MROH9: variants seen among roughly 807,000 people sequenced by gnomAD.
The protein encoded by MROH9 is maestro heat-like repeat-containing protein family member 9.
Under a neutral mutation model 98.2 loss-of-function variants are expected in MROH9, and 92 were observed. The observed-to-expected ratio is 0.94, with a 90% confidence interval of 0.79 to 1.11. The LOEUF (loss-of-function observed/expected upper bound fraction) is 1.11. Among genes scored for constraint, MROH9 ranks in the 50% most tolerant of loss-of-function variants. MROH9 has a pLI of 0.00. For missense variants in MROH9, 1,057 were observed against 1,014.8 expected (o/e 1.04, Z -0.57); for synonymous variants, 397 against 368.9 (o/e 1.08, Z -0.87).
chr1:171,028,431 C>T (rs561210227), intron 20 of MROH9, among the ~76,000 whole-genome samples: 22 of 152,240 alleles, frequency 1.4e-4, no homozygotes, highest in African/African-American at 5.3e-4. Context: ...TTACTGTAGC[C>T]TTGTGGTATA....
intron 8 of MROH9, 32 bp from the exon 9 acceptor site, chr1:170,983,390 A>G (rs762495463): frequency 6.8e-7 from 1 of 1,463,812 alleles, no homozygotes. Context: ...TGATCAAATA[A>G]CAACCTGAAA....
intron 7 of MROH9, among the ~76,000 whole-genome samples, chr1:170,970,054 C>T (rs1017399585): frequency 9.2e-5 from 14 of 152,072 alleles, no homozygotes; most frequent in Admixed American, 2.6e-4. Context: ...AGTCTAGGCA[C>T]GACCACACAT....
chr1:170,945,477 G>A, intron 1 of MROH9, 43 bp from the exon 2 acceptor site: 2 of 1,442,758 alleles, frequency 1.4e-6, no homozygotes, highest in Non-Finnish European at 1.9e-6. Context: ...AAAACTGTAG[G>A]AAAGTTTCTG....
chr1:171,018,511 C>T (rs1240843564), intron 17 of MROH9, among the ~76,000 whole-genome samples: 1 of 151,700 alleles, frequency 6.6e-6, no homozygotes, highest in Non-Finnish European at 1.5e-5. Context: ...CAAATGGTCA[C>T]AGCACCTCCT....
chr1:170,953,787 G>C (rs1206742887), intron 3 of MROH9, among the ~76,000 whole-genome samples: 1 of 149,216 alleles, frequency 6.7e-6, no homozygotes, highest in African/African-American at 2.5e-5. Context: ...AGAGAGGGAG[G>C]GGAGGGAGGA....
chr1:171,007,414 G>A (rs573218012), intron 15 of MROH9, among the ~76,000 whole-genome samples: 1 of 152,188 alleles, frequency 6.6e-6, no homozygotes, highest in Non-Finnish European at 1.5e-5. Context: ...GGCTCCTACT[G>A]TGTAAGTAGG....
intron 20 of MROH9, among the ~76,000 whole-genome samples, chr1:171,055,353 T>G (rs1304139176): frequency 6.6e-6 from 1 of 152,154 alleles, no homozygotes; most frequent in Admixed American, 6.5e-5. Context: ...CCAGGTGCAG[T>G]GGCTCATGCC....
chr1:171,000,145 C>T (rs1651739017), intron 15 of MROH9, among the ~76,000 whole-genome samples: 1 of 152,116 alleles, frequency 6.6e-6, no homozygotes, highest in Non-Finnish European at 1.5e-5. Context: ...TCTGTTTACT[C>T]TGCTGACTAT....
intron 8 of MROH9, among the ~76,000 whole-genome samples, chr1:170,981,904 C>A (rs1255115925): frequency 1.3e-5 from 2 of 152,124 alleles, no homozygotes; most frequent in Admixed American, 1.3e-4. Flanking sequence ...TACCACTACA[C>A]ACTCATTAGA....
intron 12 of MROH9, 85 bp downstream of exon 12, chr1:170,992,414 C>A: frequency 7.2e-7 from 1 of 1,395,800 alleles, no homozygotes; most frequent in Non-Finnish European, 9.9e-7. Flanking sequence ...CTCAATCATA[C>A]TTTCTTAACA....
intron 15 of MROH9, among the ~76,000 whole-genome samples, chr1:171,001,481 T>G (rs1252532211): frequency 1.3e-5 from 2 of 152,142 alleles, no homozygotes; most frequent in Non-Finnish European, 2.9e-5. Flanking sequence ...TTTTTAAATT[T>G]CCATCTTGAT....
At chr1:171,002,160 C>A (rs1651805541) in intron 15 of MROH9, among the ~76,000 whole-genome samples, 1 of 152,140 alleles carries the variant, frequency 6.6e-6, no homozygotes, top group African/African-American at 2.4e-5. Context: ...CTCTTGAAGG[C>A]AGCAGATAGT....
intron 20 of MROH9, among the ~76,000 whole-genome samples, chr1:171,025,907 C>A (rs1267926819): frequency 6.6e-6 from 1 of 152,124 alleles, no homozygotes; most frequent in Non-Finnish European, 1.5e-5. Context: ...TCAGACAAAC[C>A]TGACCACACA....
intron 20 of MROH9, among the ~76,000 whole-genome samples, chr1:171,031,575 T>C (rs1652915382): frequency 6.6e-6 from 1 of 152,214 alleles, no homozygotes; most frequent in African/African-American, 2.4e-5. Context: ...GGGTTGAAAA[T>C]TCTTTTCTTT....
intron 19 of MROH9, among the ~76,000 whole-genome samples, 177 bp from the exon 20 acceptor site, chr1:171,025,141 A>C (rs542312363): frequency 1.1e-4 from 16 of 152,336 alleles, no homozygotes; most frequent in Admixed American, 7.8e-4. Context: ...GGGATGGATG[A>C]ATGCTAATCA....
chr1:171,028,089 TG>T (rs1557904529), intron 20 of MROH9, among the ~76,000 whole-genome samples: 1 of 152,170 alleles, frequency 6.6e-6, no homozygotes, highest in Non-Finnish European at 1.5e-5. Context: ...TTGGTGTTTT[TG>T]TCATGAAATC....
intron 20 of MROH9, among the ~76,000 whole-genome samples, chr1:171,044,970 A>ATTTTTT: frequency 2.4e-5 from 1 of 41,356 alleles, no homozygotes; most frequent in Non-Finnish European, 5.3e-5. Flanking sequence ...TTCTGCTCTG[A>ATTTTTT]TCTTTTTTTT....
At chr1:171,023,256 C>A (rs974983315) in intron 17 of MROH9, among the ~76,000 whole-genome samples, 1 of 152,100 alleles carries the variant, frequency 6.6e-6, no homozygotes, top group Non-Finnish European at 1.5e-5. Flanking sequence ...TAAAAATTAA[C>A]CTCTTCTGAC....
At chr1:170,996,886 C>A (rs1651600678) in intron 14 of MROH9, among the ~76,000 whole-genome samples, 1 of 152,048 alleles carries the variant, frequency 6.6e-6, no homozygotes, top group African/African-American at 2.4e-5. Context: ...CCTCCCTCCA[C>A]AGAACAGGTT....
Sources: gnomAD v4.1 joint callset for allele counts (sites outside exome capture counted in the v4.1 genomes callset) on GRCh38, gnomAD v4.1.1 for gene constraint, MANE v1.5 for transcripts, NCBI Gene and HGNC (gene_info 2026-07-23, HGNC 2026-07-21) for gene names.